The following USP5 variants were observed in gnomAD, a reference collection of about 807,000 sequenced individuals.
The protein encoded by USP5 is ubiquitin specific peptidase 5.
Under a neutral mutation model 102.5 loss-of-function variants are expected in USP5, and 24 were observed. That is an observed-to-expected ratio of 0.23 (90% CI 0.17 to 0.33). The LOEUF (loss-of-function observed/expected upper bound fraction) is 0.33. USP5 is among the 10% of genes least tolerant of loss of function. The pLI, the probability that USP5 is intolerant of heterozygous loss-of-function variation, is 1.00. For synonymous variants in USP5, 460 were observed against 434.8 expected (o/e 1.06, Z -0.72); for missense variants, 753 against 1,122.1 (o/e 0.67, Z 4.70).
Position 6,864,958 on chromosome 12 carries a change from C to T in USP5, c.2398+83C>T. 6.5e-7 allele frequency: 1 copy of T among 1,538,082 alleles called. No individual in the cohort carries two copies. Among genetic ancestry groups the T allele is most frequent in the Non-Finnish European group, 8.8e-7 (1 of 1,139,388 alleles). ...AGATCCCTCATTCAGGCAGCTCTGCCCTCCTCAGGAGTCAGGGGCTTCTTT... is the reference window on the plus strand; with the variant it reads ...AGATCCCTCATTCAGGCAGCTCTGCTCTCCTCAGGAGTCAGGGGCTTCTTT... On this transcript the variant is annotated intron_variant, in intron 18 of 19. Transcript: ENST00000229268. This position sits in a 1 kb window ranked among gnomAD's most constrained non-coding sequence, Gnocchi z 4.8.
In USP5 at chr12:6,860,100, A is replaced by C. The variant is rs782677777; in HGVS notation, c.1131-51A>C. ...GAGCAGGGGGTTGAGCTGGGGACACACAGGGTCGTTAGTTGACTGAAGTGA... is the reference window on the plus strand; with the variant it reads ...GAGCAGGGGGTTGAGCTGGGGACACCCAGGGTCGTTAGTTGACTGAAGTGA... On this transcript the variant is annotated intron_variant, in intron 9 of 19. Transcript: ENST00000229268. The surrounding 1 kb of genome is among the most constrained non-coding windows in gnomAD (Gnocchi z 5.5). 28 of 1,594,988 alleles carry C rather than the reference A, an allele frequency of 1.8e-5. No individual in the cohort carries two copies. In the Admixed American group the frequency reaches 3.1e-4, roughly 18 times the overall value.
Position 6,863,403 on chromosome 12 carries a change from C to T in USP5, c.1954+26C>T, listed in dbSNP as rs782417017. On this transcript the variant is annotated intron_variant, in intron 15 of 19. Coordinates refer to ENST00000229268, the MANE Select transcript of USP5 (RefSeq NM_001098536.2). The surrounding 1 kb of genome is among the most constrained non-coding windows in gnomAD (Gnocchi z 4.7). The stretch of plus-strand genomic sequence containing the variant: ...GTTAGTGACTCTTCTTCCTGCCTGT[C>T]TCTCTCCCGTGCTGATGGGGGCCTC... The T allele has an allele frequency of 2.1e-5, 33 of 1,605,534 alleles. No homozygotes were observed. The highest frequency in any genetic ancestry group is 2.6e-5 in the Non-Finnish European group (31 of 1,174,682).
Position 6,866,080 on chromosome 12 carries a change from G to GC in USP5, c.*5dup. The GC allele has an allele frequency of 1.2e-6, 2 of 1,613,998 alleles. No homozygotes were observed. Among genetic ancestry groups the GC allele is most frequent in the Non-Finnish European group, 1.7e-6 (2 of 1,179,920 alleles). On this transcript the variant is annotated 3_prime_UTR_variant, in exon 20 of 20. Coordinates refer to ENST00000229268, the MANE Select transcript of USP5 (RefSeq NM_001098536.2). The surrounding 1 kb of genome is among the most constrained non-coding windows in gnomAD (Gnocchi z 4.7). ...TCTACCAGAGAGTGGCCAGCTAAGA[G>GC]CCTGCCTCACCCCTTACCAATGAGG...
At chr12:6,852,481 C>G (rs782499166) in intron 1 of USP5, among the ~76,000 whole-genome samples, 191 bp downstream of exon 1, 10 of 152,264 alleles carry the variant, frequency 6.6e-5, no homozygotes, top group African/African-American at 2.2e-4. Context: ...CCGGAAGCCG[C>G]CGCGCTCACC....
chr12:6,860,079 A>G lies in USP5; in HGVS notation c.1131-72A>G, dbSNP rs73260833. The G allele has an allele frequency of 5.6e-3, 8,590 of 1,538,392 alleles. 343 individuals carry two copies. In the African/African-American group the frequency reaches 0.095, roughly 17 times the overall value. On this transcript the variant is annotated intron_variant, in intron 9 of 19. Transcript: ENST00000229268. This position sits in a 1 kb window ranked among gnomAD's most constrained non-coding sequence, Gnocchi z 5.5. ...GAGTTAGCTAGGGAGAGCCACGAGCAGGGGGTTGAGCTGGGGACACACAGG... is the reference window on the plus strand; with the variant it reads ...GAGTTAGCTAGGGAGAGCCACGAGCGGGGGGTTGAGCTGGGGACACACAGG...
At position 6,866,250 on chromosome 12, in the gene USP5, G is replaced by A; in HGVS notation, c.*173G>A. The A allele has an allele frequency of 1.6e-6, 1 of 622,636 alleles. No homozygotes were observed. Among genetic ancestry groups the A allele is most frequent in the Non-Finnish European group, 2.8e-6 (1 of 356,332 alleles). 38.6% of individuals were successfully genotyped at this position (622,636 alleles called of 1,614,324 possible). The stretch of plus-strand genomic sequence containing the variant: ...AATGGCTGGGCAGAGCAGAGGGGCA[G>A]CGATAGACTCTGGGGATGGAGCAGG... On this transcript the variant is annotated 3_prime_UTR_variant, in exon 20 of 20. Transcript: ENST00000229268. This position sits in a 1 kb window ranked among gnomAD's most constrained non-coding sequence, Gnocchi z 4.7.
rs902896917 is a variant in USP5, at chr12:6,861,313, T to C, written c.1499-130T>C. On this transcript the variant is annotated intron_variant, in intron 12 of 19. Transcript: ENST00000229268. The surrounding 1 kb of genome is among the most constrained non-coding windows in gnomAD (Gnocchi z 4.9). The stretch of plus-strand genomic sequence containing the variant: ...GCTGCATGGAAACAGGCGAGATATA[T>C]TGGACATGTGTCAGGGGTGCTTTGG... 7.7e-7 allele frequency: 1 copy of C among 1,299,996 alleles called. No homozygotes were observed. The allele number at this position is 1,299,996 out of a possible 1,614,324, so 80.5% of individuals were successfully genotyped here.
chr12:6,864,239 A>G lies in USP5; in HGVS notation c.2244+44A>G. The G allele has an allele frequency of 1.3e-6, 2 of 1,542,010 alleles. No individual in the cohort carries two copies. The highest frequency in any genetic ancestry group is 1.7e-6 in the Non-Finnish European group (2 of 1,143,686). On this transcript the variant is annotated intron_variant, in intron 17 of 19. Coordinates refer to ENST00000229268, the MANE Select transcript of USP5 (RefSeq NM_001098536.2). This position sits in a 1 kb window ranked among gnomAD's most constrained non-coding sequence, Gnocchi z 4.8. ...AAGGACATGGGGCCAGTGGGGAAGA[A>G]GGGGGTGGGAATGAGGGGCCATCCT...
chr12:6,862,632 G>C (rs1944313029), intron 14 of USP5, 74 bp downstream of exon 14: 1 of 1,382,974 alleles, frequency 7.2e-7, no homozygotes, highest in African/African-American at 1.4e-5. Context: ...ATATAAACTA[G>C]TGTTTCTCAA....
chr12:6,858,280 A>G lies in USP5; in HGVS notation c.865-144A>G. On this transcript the variant is annotated intron_variant, in intron 7 of 19. Coordinates refer to ENST00000229268, the MANE Select transcript of USP5 (RefSeq NM_001098536.2). This position sits in a 1 kb window ranked among gnomAD's most constrained non-coding sequence, Gnocchi z 4.2. ...CCTTCCAGAACTTGAACTGGACGAT[A>G]CTCAACATACCTCCCATGTTTGAGC... 1.2e-6 allele frequency: 1 copy of G among 807,602 alleles called. No homozygotes were observed. 50.0% of individuals were successfully genotyped at this position (807,602 alleles called of 1,614,324 possible).
intron 18 of USP5, 139 bp from the exon 19 acceptor site, chr12:6,865,025 G>T: frequency 7.6e-7 from 1 of 1,320,904 alleles, no homozygotes. Context: ...CTCTGACATG[G>T]AGACAGGCTC....
At chr12:6,862,613 C>A in intron 14 of USP5, 55 bp downstream of exon 14, 1 of 1,516,558 alleles carries the variant, frequency 6.6e-7, no homozygotes, top group Non-Finnish European at 9.2e-7. Flanking sequence ...AAAGAAGGGG[C>A]TTTAACACAT....
At position 6,864,745 on chromosome 12, in the gene USP5, G is replaced by A. The variant is rs782154447; in HGVS notation, c.2268G>A (p.Val756=). 13 of 1,611,842 alleles carry A rather than the reference G, an allele frequency of 8.1e-6. No homozygotes were observed. Among genetic ancestry groups the A allele is most frequent in the Admixed American group, 3.3e-5 (2 of 60,000 alleles). ...AGAACAATAGTTTAGAACGGGCTGT[G>A]GACTGGATCTTCAGTCACATTGACG... ...RATNNSLERA[V]DWIFSHIDDL... is the part of the protein sequence containing the mutation. Residue 756 remains valine, a synonymous_variant, in exon 18 of 20, where the codon GTG becomes GTA. Coordinates refer to ENST00000229268, the MANE Select transcript of USP5 (RefSeq NM_001098536.2). This position sits in a 1 kb window ranked among gnomAD's most constrained non-coding sequence, Gnocchi z 4.8.
rs986890768 is a variant in USP5 at position 6,859,845 on chromosome 12, C to T, written c.1130+304C>T. Among the ~76,000 whole-genome samples, 18 of 152,066 alleles carry T rather than the reference C, an allele frequency of 1.2e-4. 1 individual carries two copies. Among genetic ancestry groups the T allele is most frequent in the Admixed American group, 3.3e-4 (5 of 15,266 alleles). On this transcript the variant is annotated intron_variant, in intron 9 of 19. Transcript: ENST00000229268. ...ATTTTTTTTGTATTTTTAGTAGAGA[C>T]GGGGTTTCATCATGTTGGCCAGGAT...
At position 6,858,076 on chromosome 12, in the gene USP5, G is replaced by T. The variant is rs1266166008; in HGVS notation, c.865-348G>T. Among the ~76,000 whole-genome samples the T allele has an allele frequency of 6.6e-6, 1 of 152,232 alleles. No individual in the cohort carries two copies. The highest frequency in any genetic ancestry group is 2.4e-5 in the African/African-American group (1 of 41,456). On this transcript the variant is annotated intron_variant, in intron 7 of 19. Coordinates refer to ENST00000229268, the MANE Select transcript of USP5 (RefSeq NM_001098536.2). This position sits in a 1 kb window ranked among gnomAD's most constrained non-coding sequence, Gnocchi z 4.2. ...TACTACAGTAATTGACAGCAGGGTG[G>T]CCTGGCCTAGTTTAGGGATCAGGGA...
rs1944121536 is a variant in USP5, at chr12:6,856,622, C to CG, written c.585-79dup. 6.5e-6 allele frequency: 10 copies of CG among 1,541,392 alleles called. No homozygotes were observed. The highest frequency in any genetic ancestry group is 8.7e-7 in the Non-Finnish European group (1 of 1,144,766). Reference sequence around the variant, plus strand: ...AGAAGAGAGAGAGACCTTGGATTGGCGGGGGGCCTGCAGAGCCCTCTCTCT... The same window carrying CG: ...AGAAGAGAGAGAGACCTTGGATTGGCGGGGGGGCCTGCAGAGCCCTCTCTCT... On this transcript the variant is annotated intron_variant, in intron 5 of 19. Transcript: ENST00000229268. The surrounding 1 kb of genome is among the most constrained non-coding windows in gnomAD (Gnocchi z 5.6).
Position 6,858,502 on chromosome 12 carries a change from G to T in USP5, c.943G>T (p.Val315Leu). Residue 315 changes from valine (V) to leucine (L), a missense_variant, in exon 8 of 20, where the codon GTG (valine) becomes TTG (leucine). By Grantham distance (32) the Val-to-Leu change is conservative. Transcript: ENST00000229268. The surrounding 1 kb of genome is among the most constrained non-coding windows in gnomAD (Gnocchi z 4.2). ...ATGGGAGCTGATCCAGGAGTCAGGT[G>T]TGCCACTCAAGCCCCTGTTTGGGCC... ...GEWELIQESG[V>L]PLKPLFGPGY... 1 of 1,613,928 alleles carries T rather than the reference G, an allele frequency of 6.2e-7. No individual in the cohort carries two copies. The highest frequency in any genetic ancestry group is 8.5e-7 in the Non-Finnish European group (1 of 1,179,764).
chr12:6,859,633 A>G, intron 9 of USP5, 92 bp downstream of exon 9: 3 of 1,260,362 alleles, frequency 2.4e-6, no homozygotes, highest in Non-Finnish European at 2.3e-6. Context: ...CAGCACTTTA[A>G]CCCCTGGCCT....
chr12:6,865,919 G>A (rs1944432900), intron 19 of USP5, 65 bp from the exon 20 acceptor site: 1 of 1,410,720 alleles, frequency 7.1e-7, no homozygotes. Context: ...ATGTCTGAGA[G>A]ACTACATGAT....
Sources: allele counts gnomAD v4.1 joint callset (sites outside exome capture counted in the v4.1 genomes callset), GRCh38; gene constraint gnomAD v4.1.1; non-coding constraint Gnocchi (gnomAD v3.1); transcripts MANE v1.5; gene names NCBI Gene and HGNC (gene_info 2026-07-23, HGNC 2026-07-21).